MAT2A: variants seen among roughly 807,000 people sequenced by gnomAD.
MAT2A encodes S-adenosylmethionine synthase isoform type-2.
In MAT2A, 3 loss-of-function variants were observed where a neutral mutation model predicts 43.9. The observed-to-expected ratio is 0.07, with a 90% CI of 0.03 to 0.18. MAT2A has a LOEUF of 0.18. Among genes scored for constraint, MAT2A ranks in the 10% least tolerant of loss-of-function variants. The pLI, the probability that MAT2A is intolerant of heterozygous loss-of-function variation, is 1.00. For synonymous variants in MAT2A, 200 were observed against 168.4 expected (o/e 1.19, Z -1.45); for missense variants, 204 against 489.0 (o/e 0.42, Z 5.50).
chr2:85,541,036 C>T (rs1327183521), intron 1 of MAT2A, 47 bp from the exon 2 acceptor site: 2 of 1,369,588 alleles, frequency 1.5e-6, no homozygotes, highest in Non-Finnish European at 2.1e-6. Flanking sequence ...TACATACATA[C>T]TTTGTTTAAA....
Position 85,541,100 on chromosome 2 carries a change from A to C in MAT2A, c.109A>C (p.Ile37Leu). The part of the protein sequence containing the change: ...EGHPDKICDQ[I>L]SDAVLDAHLQ... ...TTTTCCAGATAAGATTTGTGACCAA[A>C]TCAGTGATGCTGTCCTTGATGCCCA... The change falls in exon 2 of 9, where the codon ATC becomes CTC. Residue 37 changes from isoleucine (I) to leucine (L), a missense_variant. Ile to Leu is a conservative substitution (Grantham distance 5). Transcript: ENST00000306434. 3 of 1,612,734 alleles carry C rather than the reference A, an allele frequency of 1.9e-6. No individual in the cohort carries two copies. The highest frequency in any genetic ancestry group is 2.5e-6 in the Non-Finnish European group (3 of 1,179,174).
chr2:85,542,099 A>G, intron 5 of MAT2A, 56 bp from the exon 6 acceptor site: 4 of 1,586,014 alleles, frequency 2.5e-6, no homozygotes, highest in Non-Finnish European at 3.5e-6. Flanking sequence ...AGGTAGAGAA[A>G]CAAATACAAA....
At chr2:85,543,275 A>G in intron 8 of MAT2A, 1 of 494,330 alleles carries the variant, frequency 2.0e-6, no homozygotes, top group South Asian at 3.8e-5. Context: ...TTGATATTTG[A>G]GCTTTGTGCT....
chr2:85,541,591 A>G (rs374973683), intron 3 of MAT2A, 42 bp from the exon 4 acceptor site: 3 of 1,473,822 alleles, frequency 2.0e-6, no homozygotes, highest in Admixed American at 2.0e-5. Flanking sequence ...AACAGCAGGT[A>G]TTTCTAGGAC....
chr2:85,539,441 G>A (rs1321802282), intron 1 of MAT2A, 63 bp downstream of exon 1: 2 of 1,354,746 alleles, frequency 1.5e-6, no homozygotes, highest in African/African-American at 3.0e-5. Flanking sequence ...GGTCCGGCTG[G>A]CTGCGGCCGG....
chr2:85,539,423 A>G (rs770539078), intron 1 of MAT2A, 45 bp downstream of exon 1: 3 of 1,474,786 alleles, frequency 2.0e-6, no homozygotes, highest in South Asian at 2.4e-5. Flanking sequence ...GGCAGAAGGC[A>G]GCGCCAAGGT....
intron 2 of MAT2A, 46 bp downstream of exon 2, chr2:85,541,206 A>G: frequency 6.2e-7 from 1 of 1,612,192 alleles, no homozygotes; most frequent in Non-Finnish European, 8.5e-7. Context: ...ATAGCATAAA[A>G]ATTATTTTTA....
intron 3 of MAT2A, 80 bp downstream of exon 3, chr2:85,541,457 A>G (rs1691475189): frequency 1.3e-6 from 2 of 1,524,172 alleles, no homozygotes; most frequent in Non-Finnish European, 1.8e-6. Context: ...GTTCCTGCTA[A>G]TCCTAAACTC....
At position 85,543,994 on chromosome 2, in the gene MAT2A, T is replaced by C. The variant is rs904570942; in HGVS notation, c.*222T>C. On this transcript the variant is annotated 3_prime_UTR_variant, in exon 9 of 9. Transcript: ENST00000306434. ...GTTTTGTTCACCATTATAATGAATT[T>C]AGTGAGCATAGGTGATCCATGTAAC... 2.2e-6 allele frequency: 1 copy of C among 446,356 alleles called. No individual in the cohort carries two copies. The highest frequency in any genetic ancestry group is 4.1e-6 in the Non-Finnish European group (1 of 246,600). 27.6% of individuals were successfully genotyped at this position (446,356 alleles called of 1,614,324 possible). A position where few individuals can be genotyped will look rare whatever the true frequency, so the allele number is the denominator to read the frequency against.
Position 85,541,655 on chromosome 2 carries a change from C to T in MAT2A, c.315C>T (p.Asn105=), listed in dbSNP as rs974451464. Residue 105 remains asparagine (N), a synonymous_variant, in exon 4 of 9, where the codon AAC becomes AAT. Transcript: ENST00000306434. The part of the protein sequence containing the change: ...SSKGFDYKTC[N]VLVALEQQSP... ...TAGGTTTTGACTACAAGACTTGTAACGTGCTGGTAGCCTTGGAGCAACAGT... is the reference window on the plus strand; with the variant it reads ...TAGGTTTTGACTACAAGACTTGTAATGTGCTGGTAGCCTTGGAGCAACAGT... 1.2e-5 allele frequency: 19 copies of T among 1,609,768 alleles called. No homozygotes were observed. The highest frequency in any genetic ancestry group is 2.2e-5 in the East Asian group (1 of 44,880).
Position 85,544,628 on chromosome 2 carries a change from G to A in MAT2A, c.*856G>A, listed in dbSNP as rs1307513466. 1 of 152,534 alleles carries A rather than the reference G, an allele frequency of 6.6e-6. No homozygotes were observed. Among genetic ancestry groups the A allele is most frequent in the African/African-American group, 2.4e-5 (1 of 41,420 alleles). 9.4% of individuals were successfully genotyped at this position (152,534 alleles called of 1,614,324 possible). ...GAGAAGTCACAGGGCAGTACCTGAG[G>A]GTCTGTAGGTTGCACACTTTGGTAC... On this transcript the variant is annotated 3_prime_UTR_variant, in exon 9 of 9. Transcript: ENST00000306434.
chr2:85,539,356 G>A lies in MAT2A; in HGVS notation c.69G>A (p.Glu23=). ...IEEGTFLFTS[E]SVGEGHPDKI... is the part of the protein sequence containing the mutation. The stretch of plus-strand genomic sequence containing the variant: ...AGGGCACATTCCTTTTCACCTCAGA[G>A]TCGGTCGGGGAAGGCCACCCAGGTG... Residue 23 remains glutamate (E), a synonymous_variant, in exon 1 of 9, where the codon GAG becomes GAA. Transcript: ENST00000306434. 1 of 1,604,482 alleles carries A rather than the reference G, an allele frequency of 6.2e-7. No individual in the cohort carries two copies. Among genetic ancestry groups the A allele is most frequent in the Middle Eastern group, 1.7e-4 (1 of 6,036 alleles).
rs1691485168 is a variant in MAT2A, at chr2:85,541,929, G to A, written c.506G>A (p.Arg169His). The A allele has an allele frequency of 1.9e-6, 3 of 1,614,216 alleles. No individual in the cohort carries two copies. The highest frequency in any genetic ancestry group is 1.7e-6 in the Non-Finnish European group (2 of 1,180,022). The change falls in exon 5 of 9, where the codon CGT becomes CAT. Residue 169 changes from arginine (R) to histidine (H), a missense_variant. Arg to His is a conservative substitution (Grantham distance 29). This residue lies in a region of MAT2A where 103 missense variants were observed against 226.4 expected (regional missense o/e 0.45). Coordinates refer to ENST00000306434, the MANE Select transcript of MAT2A (RefSeq NM_005911.6). ...AATGCCAAACTGGCAGAACTACGCC[G>A]TAATGGCACTTTGCCTTGGTTACGC... is the stretch of plus-strand genomic sequence containing the variant. ...KLNAKLAELR[R>H]NGTLPWLRPD...
Position 85,544,906 on chromosome 2 carries a change from A to G in MAT2A, c.*1134A>G, listed in dbSNP as rs1691582245. 6.6e-6 allele frequency: 1 copy of G among 152,556 alleles called. No homozygotes were observed. The highest frequency in any genetic ancestry group is 1.5e-5 in the Non-Finnish European group (1 of 68,014). 9.5% of individuals were successfully genotyped at this position (152,556 alleles called of 1,614,324 possible). On this transcript the variant is annotated 3_prime_UTR_variant, in exon 9 of 9. Coordinates refer to ENST00000306434, the MANE Select transcript of MAT2A (RefSeq NM_005911.6). ...TCTGGGGTATGGCGTAAGTACAGAG[A>G]AGCCATCACCTCAGATGGCAGCTTT...
At chr2:85,543,525 G>T in intron 8 of MAT2A, 145 bp from the exon 9 acceptor site, 2 of 608,474 alleles carry the variant, frequency 3.3e-6, no homozygotes, top group Non-Finnish European at 5.9e-6. Context: ...TGGACACCAG[G>T]GAAGTAACAC....
chr2:85,541,194 A>G (rs764509860), intron 2 of MAT2A, 34 bp downstream of exon 2: 2 of 1,612,294 alleles, frequency 1.2e-6, no homozygotes, highest in Non-Finnish European at 1.7e-6. Flanking sequence ...ACTGGTGGAA[A>G]GATAGCATAA....
chr2:85,539,635 G>A (rs1691408803), intron 1 of MAT2A: 1 of 355,140 alleles, frequency 2.8e-6, no homozygotes, highest in African/African-American at 2.2e-5. Context: ...CATGCGGAAG[G>A]TTCCAGAAAA....
In MAT2A at chr2:85,541,664, A is replaced by G. The variant is rs377763337; in HGVS notation, c.324A>G (p.Val108=). 3 of 1,612,218 alleles carry G rather than the reference A, an allele frequency of 1.9e-6. No individual in the cohort carries two copies. Among genetic ancestry groups the G allele is most frequent in the African/African-American group, 2.7e-5 (2 of 74,932 alleles). The change falls in exon 4 of 9, where the codon GTA becomes GTG. Residue 108 remains valine, a synonymous_variant. Coordinates refer to ENST00000306434, the MANE Select transcript of MAT2A (RefSeq NM_005911.6). ...ACTACAAGACTTGTAACGTGCTGGTAGCCTTGGAGCAACAGTCACCAGATA... is the reference window on the plus strand; with the variant it reads ...ACTACAAGACTTGTAACGTGCTGGTGGCCTTGGAGCAACAGTCACCAGATA... ...GFDYKTCNVL[V]ALEQQSPDIA...
Position 85,542,947 on chromosome 2 carries a change from T to C in MAT2A, c.998T>C (p.Phe333Ser). The C allele has an allele frequency of 6.2e-7, 1 of 1,613,844 alleles. No homozygotes were observed. The highest frequency in any genetic ancestry group is 1.1e-5 in the South Asian group (1 of 91,072). ...TCTCATCCATTATCTATCTCCATTT[T>C]CCATTATGGTACCTCTCAGAAGAGT... ...GVSHPLSISI[F>S]HYGTSQKSER... The change falls in exon 8 of 9, where the codon TTC becomes TCC. Residue 333 changes from phenylalanine (F) to serine (S), a missense_variant. Phe to Ser is a radical substitution (Grantham distance 155). Transcript: ENST00000306434.
Sources: allele counts gnomAD v4.1 joint callset, GRCh38; gene constraint gnomAD v4.1.1; regional missense constraint gnomAD v4.1.1; transcripts MANE v1.5; gene names NCBI Gene and HGNC (gene_info 2026-07-23, HGNC 2026-07-21).